Variants in SEMA4F observed in about 807,000 individuals in gnomAD.
The protein encoded by SEMA4F is semaphorin-4F.
SEMA4F carries 51 observed loss-of-function variants against 78.4 expected under a neutral mutation model. That is an observed-to-expected ratio of 0.65 (90% CI 0.52 to 0.82). SEMA4F has a LOEUF of 0.82. Among genes scored for constraint, SEMA4F ranks in the 40% least tolerant of loss-of-function variants. SEMA4F has a pLI of 0.00. For missense variants in SEMA4F, 938 were observed against 1,014.4 expected, an observed-to-expected ratio of 0.92 and a Z score of 1.02; for synonymous variants, 418 against 408.7, an observed-to-expected ratio of 1.02 and a Z score of -0.27.
chr2:74,667,054 A>G lies in SEMA4F; in HGVS notation c.550+4229A>G, dbSNP rs559787992. 3.3e-5 allele frequency among the ~76,000 whole-genome samples: 5 copies of G among 152,268 alleles called. No homozygotes were observed. The East Asian group carries it at 9.6e-4, about 29-fold the overall frequency. On this transcript the variant is annotated intron_variant, in intron 5 of 13. Coordinates refer to ENST00000357877, the MANE Select transcript of SEMA4F (RefSeq NM_004263.5). The stretch of plus-strand genomic sequence containing the variant: ...TGCGTATTTATTATAACTTGGAATT[A>G]TGTATATTTCATTTACTATTGTATA...
intron 12 of SEMA4F, among the ~76,000 whole-genome samples, chr2:74,677,590 TTTC>T (rs767151703): frequency 2.0e-5 from 3 of 152,236 alleles, no homozygotes; most frequent in South Asian, 2.1e-4. Context: ...GGTTGATATG[TTTC>T]TTAAGTGTAT....
In SEMA4F at chr2:74,675,177, A is replaced by G. The variant is rs1685200593; in HGVS notation, c.1165A>G (p.Met389Val). The change falls in exon 10 of 14, where the codon ATG becomes GTG. Residue 389 changes from methionine to valine, a missense_variant. By Grantham distance (21) the Met-to-Val change is conservative. Coordinates refer to ENST00000357877, the MANE Select transcript of SEMA4F (RefSeq NM_004263.5). The part of the protein sequence containing the change: ...PRPGECITNN[M>V]KLRHFGSSLS... ...TTTCCTCTAGTGCATCACCAACAAC[A>G]TGAAGCTCCGGCACTTTGGCTCATC... The G allele has an allele frequency of 6.2e-7, 1 of 1,613,948 alleles. No individual in the cohort carries two copies. The highest frequency in any genetic ancestry group is 8.5e-7 in the Non-Finnish European group (1 of 1,179,968).
chr2:74,699,540 A>T, the SEMA4F span, among the ~76,000 whole-genome samples: 1 of 152,238 alleles, frequency 6.6e-6, no homozygotes, highest in Non-Finnish European at 1.5e-5. Flanking sequence ...GAGGACTAAG[A>T]TAATGGATAT....
rs759462287 is a variant in SEMA4F, at chr2:74,657,556, C to T, written c.298-9C>T. 3.1e-6 allele frequency: 5 copies of T among 1,613,534 alleles called. No individual in the cohort carries two copies. In the Admixed American group the frequency reaches 8.3e-5, roughly 27 times the overall value. On this transcript the variant is annotated splice_polypyrimidine_tract_variant and intron_variant, in intron 2 of 13. Coordinates refer to ENST00000357877, the MANE Select transcript of SEMA4F (RefSeq NM_004263.5). ...AATCTGGGTGAAATGATCACTTCTCCTTTCTCAGATTGACTGGATGGTTCC... is the reference window on the plus strand; with the variant it reads ...AATCTGGGTGAAATGATCACTTCTCTTTTCTCAGATTGACTGGATGGTTCC...
At chr2:74,700,294 A>G in the SEMA4F span, among the ~76,000 whole-genome samples, 1 of 152,152 alleles carries the variant, frequency 6.6e-6, no homozygotes, top group Non-Finnish European at 1.5e-5. Flanking sequence ...AGATGAGGTC[A>G]TCTGTTGCCA....
At position 74,675,144 on chromosome 2, in the gene SEMA4F, G is replaced by A. The variant is rs776122658; in HGVS notation, c.1150-18G>A. 1.9e-5 allele frequency: 31 copies of A among 1,613,834 alleles called. No homozygotes were observed. Among genetic ancestry groups the A allele is most frequent in the African/African-American group, 2.7e-5 (2 of 74,906 alleles). ...CTGTTCCTGGGAAACTTTGTCACCA[G>A]CCCTGTATTTCCTCTAGTGCATCAC... On this transcript the variant is annotated intron_variant, in intron 9 of 13. Transcript: ENST00000357877.
In SEMA4F at chr2:74,657,445, T is replaced by A. The variant is rs1010910243; in HGVS notation, c.298-120T>A. On this transcript the variant is annotated intron_variant, in intron 2 of 13. Coordinates refer to ENST00000357877, the MANE Select transcript of SEMA4F (RefSeq NM_004263.5). ...GACCTCCATTTGAAAAACAATGCTC[T>A]AGGGGGACTTTTGAAGTTCCCAAAT... 100 of 830,746 alleles carry A rather than the reference T, an allele frequency of 1.2e-4. 1 individual carries two copies. In the African/African-American group the frequency reaches 1.4e-3, roughly 12 times the overall value. 51.5% of individuals were successfully genotyped at this position (830,746 alleles called of 1,614,324 possible). A position where few individuals can be genotyped will look rare whatever the true frequency, so the allele number is the denominator to read the frequency against.
At chr2:74,679,188 TA>T (rs1242023601) in intron 12 of SEMA4F, 87 bp from the exon 13 acceptor site, 2 of 991,284 alleles carry the variant, frequency 2.0e-6, no homozygotes, top group Non-Finnish European at 3.3e-6. Context: ...TGATGGGAGA[TA>T]TATTGAATGA....
At position 74,658,926 on chromosome 2, in the gene SEMA4F, G is replaced by A. The variant is rs1187968485; in HGVS notation, c.456+975G>A. Among the ~76,000 whole-genome samples the A allele has an allele frequency of 1.3e-5, 2 of 152,158 alleles. No homozygotes were observed. Among genetic ancestry groups the A allele is most frequent in the Non-Finnish European group, 1.5e-5 (1 of 68,028 alleles). ...TCCCTGCCACCTGGATCAAGTCAGTGTGTATCTCTAAACCCCTCTTTGTTA... is the reference window on the plus strand; with the variant it reads ...TCCCTGCCACCTGGATCAAGTCAGTATGTATCTCTAAACCCCTCTTTGTTA... On this transcript the variant is annotated intron_variant, in intron 4 of 13. Transcript: ENST00000357877. This position sits in a 1 kb window ranked among gnomAD's most constrained non-coding sequence, Gnocchi z 4.3.
intron 5 of SEMA4F, among the ~76,000 whole-genome samples, chr2:74,672,493 G>T (rs1278478802): frequency 6.6e-6 from 1 of 152,128 alleles, no homozygotes. Flanking sequence ...ATAGTAGCTG[G>T]TGAAGGCATG....
Position 74,658,154 on chromosome 2 carries a change from G to A in SEMA4F, c.456+203G>A, listed in dbSNP as rs931647844. Among the ~76,000 whole-genome samples the A allele has an allele frequency of 6.6e-6, 1 of 152,170 alleles. No homozygotes were observed. Among genetic ancestry groups the A allele is most frequent in the Non-Finnish European group, 1.5e-5 (1 of 68,044 alleles). The stretch of plus-strand genomic sequence containing the variant: ...TGTGTAAGCCACTGAGGGAGGGAAA[G>A]GGAGGTTGTCTGGAGAGGGTAAGAT... On this transcript the variant is annotated intron_variant, in intron 4 of 13. Coordinates refer to ENST00000357877, the MANE Select transcript of SEMA4F (RefSeq NM_004263.5). The surrounding 1 kb of genome is among the most constrained non-coding windows in gnomAD (Gnocchi z 4.3).
the SEMA4F span, among the ~76,000 whole-genome samples, chr2:74,689,568 TATA>T: frequency 3.9e-5 from 6 of 152,206 alleles, no homozygotes. Flanking sequence ...TTTTTATTTT[TATA>T]ATAATTATAA....
chr2:74,693,371 G>C, the SEMA4F span, among the ~76,000 whole-genome samples: 1 of 152,178 alleles, frequency 6.6e-6, no homozygotes, highest in Non-Finnish European at 1.5e-5. Context: ...ACTCATTCTT[G>C]ACTTGAACCT....
At chr2:74,671,906 C>T (rs1472663295) in intron 5 of SEMA4F, among the ~76,000 whole-genome samples, 1 of 152,210 alleles carries the variant, frequency 6.6e-6, no homozygotes, top group Non-Finnish European at 1.5e-5. Context: ...ATTTCAAATC[C>T]TGTTAATGGA....
At chr2:74,685,467 C>T (rs1348680844), downstream of SEMA4F, among the ~76,000 whole-genome samples, 1 of 152,042 alleles carries the variant, frequency 6.6e-6, no homozygotes. Context: ...TGGTTGCCAT[C>T]TTTCCTTCAC....
At chr2:74,665,932 G>T (rs1684674595) in intron 5 of SEMA4F, among the ~76,000 whole-genome samples, 1 of 150,898 alleles carries the variant, frequency 6.6e-6, no homozygotes. Flanking sequence ...TTTTGAGACG[G>T]AGTCTCGCTC....
In SEMA4F at chr2:74,654,458, C is replaced by G; in HGVS notation, c.82C>G (p.Leu28Val). 1 of 1,565,954 alleles carries G rather than the reference C, an allele frequency of 6.4e-7. No individual in the cohort carries two copies. Among genetic ancestry groups the G allele is most frequent in the Non-Finnish European group, 8.6e-7 (1 of 1,160,684 alleles). The change falls in exon 1 of 14, where the codon CTG becomes GTG. Residue 28 changes from leucine (L) to valine (V), a missense_variant. Coordinates refer to ENST00000357877, the MANE Select transcript of SEMA4F (RefSeq NM_004263.5). Reference sequence around the variant, plus strand: ...CTTCCCGCTACTGCTGCTGGCGGTGCTGAGCGGCCCGGTATCCGGCCGCGT... The same window carrying G: ...CTTCCCGCTACTGCTGCTGGCGGTGGTGAGCGGCCCGGTATCCGGCCGCGT... ...SPFPLLLLAV[L>V]SGPVSGRVPR...
rs1685708901 is a variant in SEMA4F at position 74,683,062 on chromosome 2, G to C, written c.*2853G>C. ...CCCTGTATAGTGTGCTTTGCCTCCT[G>C]TTTCTAGGGACCTGTGAGTATCAGC... On this transcript the variant is annotated 3_prime_UTR_variant, in exon 14 of 14. Transcript: ENST00000357877. The C allele has an allele frequency of 6.5e-6, 1 of 152,818 alleles. No individual in the cohort carries two copies. Among genetic ancestry groups the C allele is most frequent in the Non-Finnish European group, 1.5e-5 (1 of 68,582 alleles). 9.5% of individuals were successfully genotyped at this position (152,818 alleles called of 1,614,324 possible).
chr2:74,665,293 A>G (rs186093477), intron 5 of SEMA4F, among the ~76,000 whole-genome samples: 89 of 146,624 alleles, frequency 6.1e-4, no homozygotes, highest in Admixed American at 1.8e-3. Flanking sequence ...GCAGTGGCGC[A>G]ATCTCCACTC....
Sources: allele counts gnomAD v4.1 joint callset (sites outside exome capture counted in the v4.1 genomes callset), GRCh38; gene constraint gnomAD v4.1.1; non-coding constraint Gnocchi (gnomAD v3.1); transcripts MANE v1.5; gene names NCBI Gene and HGNC (gene_info 2026-07-23, HGNC 2026-07-21).